The following NXPE2 variants were observed in gnomAD, a reference collection of about 807,000 sequenced individuals.
NXPE2 encodes the protein neurexophilin and PC-esterase domain family member 2.
In NXPE2, 34 loss-of-function variants were observed where a neutral mutation model predicts 34.4. The observed-to-expected ratio is 0.99, with a 90% CI of 0.75 to 1.31. The LOEUF (loss-of-function observed/expected upper bound fraction) is 1.31. Ranked by LOEUF, NXPE2 falls within the 40% of genes most tolerant of loss-of-function variation. The pLI is 0.00. For missense variants in NXPE2, 649 were observed against 672.5 expected, an observed-to-expected ratio of 0.97 and a Z score of 0.39; for synonymous variants, 235 against 231.3, an observed-to-expected ratio of 1.02 and a Z score of -0.15.
chr11:114,581,828 A>G, the NXPE2 span: 1 of 1,375,318 alleles, frequency 7.3e-7, no homozygotes, highest in Middle Eastern at 1.8e-4. Context: ...AGGTGGCCTC[A>G]AATCAGGAAA....
chr11:114,740,251 A>G, the NXPE2 span, among the ~76,000 whole-genome samples: 1 of 152,170 alleles, frequency 6.6e-6, no homozygotes, highest in Admixed American at 6.5e-5. Context: ...ATGGATGACT[A>G]GGGGTAACTG....
the NXPE2 span, among the ~76,000 whole-genome samples, chr11:114,750,406 C>T: frequency 6.6e-6 from 1 of 152,094 alleles, no homozygotes; most frequent in African/African-American, 2.4e-5. Context: ...TTGATCCTTG[C>T]CTTTAGGTAA....
chr11:114,628,437 A>G, the NXPE2 span, among the ~76,000 whole-genome samples: 2 of 152,234 alleles, frequency 1.3e-5, no homozygotes, highest in African/African-American at 4.8e-5. Context: ...ACATAACGAA[A>G]TGAAAGCAGA....
chr11:114,529,582 G>A, the NXPE2 span: 1 of 152,602 alleles, frequency 6.6e-6, no homozygotes, highest in Non-Finnish European at 1.5e-5. Flanking sequence ...GGAATCACTA[G>A]GTCACAACAT....
At chr11:114,688,016 A>G (rs542434119) in intron 2 of NXPE2, among the ~76,000 whole-genome samples, 2 of 152,210 alleles carry the variant, frequency 1.3e-5, no homozygotes, top group Admixed American at 6.5e-5. Context: ...TTTTCTAGGT[A>G]TAGAATAATA....
chr11:114,755,359 A>AT, the NXPE2 span, among the ~76,000 whole-genome samples: 2 of 152,046 alleles, frequency 1.3e-5, no homozygotes, highest in African/African-American at 4.8e-5. Context: ...TTCCACTGAT[A>AT]TTTTTTCTTC....
intron 2 of NXPE2, among the ~76,000 whole-genome samples, chr11:114,689,413 T>C (rs768768339): frequency 1.6e-4 from 24 of 152,150 alleles, no homozygotes; most frequent in Non-Finnish European, 2.6e-4. Context: ...CTCTTGGTGT[T>C]GCTTTCTATT....
chr11:114,630,303 T>C, the NXPE2 span, among the ~76,000 whole-genome samples: 34 of 151,938 alleles, frequency 2.2e-4, no homozygotes, highest in African/African-American at 6.8e-4. Flanking sequence ...CAAAACAGCA[T>C]GGTACTGGTA....
chr11:114,721,167 A>G, the NXPE2 span, among the ~76,000 whole-genome samples: 1 of 151,736 alleles, frequency 6.6e-6, no homozygotes, highest in Non-Finnish European at 1.5e-5. Context: ...TTGTGAGTGT[A>G]CTGAGGTCTG....
In NXPE2 at chr11:114,698,431, C is replaced by T; in HGVS notation, c.519C>T (p.Gly173=). The T allele has an allele frequency of 1.2e-6, 2 of 1,613,904 alleles. No individual in the cohort carries two copies. The highest frequency in any genetic ancestry group is 1.3e-5 in the African/African-American group (1 of 75,050). The change falls in exon 3 of 6, where the codon GGC becomes GGT. Residue 173 remains glycine, a synonymous_variant. Coordinates refer to ENST00000389586, the MANE Select transcript of NXPE2 (RefSeq NM_182495.6). ...ASGKVTDFNN[G]TYLVSFTLFW... The stretch of plus-strand genomic sequence containing the variant: ...GAAAGGTGACTGACTTCAACAACGG[C>T]ACCTACCTGGTCAGCTTCACTCTGT...
the NXPE2 span, among the ~76,000 whole-genome samples, chr11:114,610,524 G>C: frequency 6.6e-6 from 1 of 151,744 alleles, no homozygotes; most frequent in Non-Finnish European, 1.5e-5. Context: ...TGTAACCACT[G>C]TTACCCGGTG....
At chr11:114,661,447 G>A in the NXPE2 span, among the ~76,000 whole-genome samples, 1 of 152,136 alleles carries the variant, frequency 6.6e-6, no homozygotes, top group South Asian at 2.1e-4. Context: ...GATCCATGGT[G>A]AGCCAGCCTC....
chr11:114,583,520 C>A, the NXPE2 span: 1 of 612,236 alleles, frequency 1.6e-6, no homozygotes, highest in South Asian at 1.4e-5. Flanking sequence ...GCACAGCAAG[C>A]GGATGCAGAG....
chr11:114,631,697 G>T, the NXPE2 span, among the ~76,000 whole-genome samples: 1 of 151,326 alleles, frequency 6.6e-6, no homozygotes, highest in Non-Finnish European at 1.5e-5. Context: ...TTGCCTCGTG[G>T]GTAACCACTG....
chr11:114,809,203 A>G, the NXPE2 span, among the ~76,000 whole-genome samples: 1 of 152,134 alleles, frequency 6.6e-6, no homozygotes, highest in East Asian at 2.0e-4. Context: ...TCAAAATAAT[A>G]AGAGCTATCT....
At chr11:114,805,104 G>C in the NXPE2 span, among the ~76,000 whole-genome samples, 1 of 151,868 alleles carries the variant, frequency 6.6e-6, no homozygotes, top group African/African-American at 2.4e-5. Flanking sequence ...TTAAATGTAA[G>C]ACAAAATGAA....
the NXPE2 span, among the ~76,000 whole-genome samples, chr11:114,724,065 A>G: frequency 6.6e-6 from 1 of 152,160 alleles, no homozygotes; most frequent in Non-Finnish European, 1.5e-5. Flanking sequence ...TAAAAAATAT[A>G]ATGTCAAACT....
At chr11:114,694,356 C>T (rs1951209949) in intron 2 of NXPE2, among the ~76,000 whole-genome samples, 2 of 152,068 alleles carry the variant, frequency 1.3e-5, no homozygotes, top group South Asian at 4.1e-4. Context: ...TCCTGTATGG[C>T]TTGTATCATA....
At chr11:114,698,917 G>A (rs974762159) in intron 3 of NXPE2, 139 bp downstream of exon 3, 1 of 843,010 alleles carries the variant, frequency 1.2e-6, no homozygotes, top group African/African-American at 1.7e-5. Flanking sequence ...AGTCAGTTCA[G>A]CTTGGAGTGT....
Sources: gnomAD v4.1 joint callset for allele counts (sites outside exome capture counted in the v4.1 genomes callset) on GRCh38, gnomAD v4.1.1 for gene constraint, MANE v1.5 for transcripts, NCBI Gene and HGNC (gene_info 2026-07-23, HGNC 2026-07-21) for gene names.